The following IGFBP2 variants were observed in gnomAD, a reference collection of about 807,000 sequenced individuals.
The protein encoded by IGFBP2 is insulin-like growth factor-binding protein 2.
Under a neutral mutation model 26.2 loss-of-function variants are expected in IGFBP2, and 12 were observed. The ratio of observed to expected loss-of-function variants is 0.46; its 90% CI spans 0.29 to 0.74. The LOEUF (loss-of-function observed/expected upper bound fraction) is 0.74, where lower values mean the gene tolerates loss of function less well. IGFBP2 is among the 30% of genes least tolerant of loss of function. The pLI, the probability that IGFBP2 is intolerant of heterozygous loss-of-function variation, is 0.09. For missense variants in IGFBP2, 328 were observed against 441.2 expected (o/e 0.74, Z 2.30); for synonymous variants, 189 against 200.6 (o/e 0.94, Z 0.49).
intron 1 of IGFBP2, among the ~76,000 whole-genome samples, chr2:216,636,794 G>A (rs1697504923): frequency 6.6e-6 from 1 of 152,152 alleles, no homozygotes; most frequent in Non-Finnish European, 1.5e-5. Flanking sequence ...CTTCCCTACC[G>A]TGTACAATGC....
At chr2:216,660,055 T>C (rs760465690) in intron 1 of IGFBP2, among the ~76,000 whole-genome samples, 4 of 151,916 alleles carry the variant, frequency 2.6e-5, no homozygotes, top group Non-Finnish European at 4.4e-5. Context: ...ACTCAACTAA[T>C]TGGTGCTCTT....
intron 1 of IGFBP2, among the ~76,000 whole-genome samples, chr2:216,635,405 C>T (rs1697475533): frequency 6.6e-6 from 1 of 152,158 alleles, no homozygotes; most frequent in African/African-American, 2.4e-5. Flanking sequence ...TGCGGGGTGC[C>T]TGTCCCCCAG....
intron 1 of IGFBP2, among the ~76,000 whole-genome samples, chr2:216,655,368 C>T (rs991121716): frequency 8.5e-5 from 13 of 152,128 alleles, no homozygotes; most frequent in African/African-American, 2.9e-4. Context: ...ATGTTGTTCT[C>T]GTGATAGCGA....
chr2:216,637,917 A>G (rs1292516075), intron 1 of IGFBP2, among the ~76,000 whole-genome samples: 21 of 152,220 alleles, frequency 1.4e-4, no homozygotes, highest in Non-Finnish European at 2.9e-5. Context: ...GGCCGGTCGC[A>G]TTGGCTCATG....
At position 216,633,435 on chromosome 2, in the gene IGFBP2, G is replaced by T. The variant is rs1347420808; in HGVS notation, c.-89G>T. 4.8e-6 allele frequency: 1 copy of T among 206,370 alleles called. No homozygotes were observed. Among genetic ancestry groups the T allele is most frequent in the African/African-American group, 2.4e-5 (1 of 42,290 alleles). The allele number at this position is 206,370 out of a possible 1,614,324, so 12.8% of individuals were successfully genotyped here. A position where few individuals can be genotyped will look rare whatever the true frequency, so the allele number is the denominator to read the frequency against. ...GGCGAGGGAGGAGGAAGAAGCGGAG[G>T]AGGCGGCTCCCGCGCTCGCAGGGCC... On this transcript the variant is annotated 5_prime_UTR_variant, in exon 1 of 4. Coordinates refer to ENST00000233809, the MANE Select transcript of IGFBP2 (RefSeq NM_000597.3).
chr2:216,660,290 T>C (rs1218868177), intron 1 of IGFBP2, among the ~76,000 whole-genome samples: 2 of 152,184 alleles, frequency 1.3e-5, no homozygotes, highest in African/African-American at 4.8e-5. Context: ...ATTTGTGATC[T>C]TGGTCAAGTA....
intron 1 of IGFBP2, 71 bp from the exon 2 acceptor site, chr2:216,660,486 G>C (rs527581850): frequency 1.5e-5 from 17 of 1,148,922 alleles, no homozygotes; most frequent in Middle Eastern, 2.1e-4. Flanking sequence ...TTACGGTCCA[G>C]GTGGCTCCCG....
chr2:216,658,992 T>C (rs966476706), intron 1 of IGFBP2, among the ~76,000 whole-genome samples: 2 of 152,194 alleles, frequency 1.3e-5, no homozygotes, highest in Non-Finnish European at 2.9e-5. Flanking sequence ...GCAGCTGATA[T>C]AGAAAATGGC....
intron 1 of IGFBP2, among the ~76,000 whole-genome samples, chr2:216,638,043 C>T (rs1377431360): frequency 1.3e-5 from 2 of 151,906 alleles, no homozygotes; most frequent in Non-Finnish European, 2.9e-5. Context: ...CAAAAATTAG[C>T]TGGGCATGGT....
intron 1 of IGFBP2, among the ~76,000 whole-genome samples, chr2:216,643,218 A>T (rs183652940): frequency 4.6e-5 from 7 of 152,138 alleles, no homozygotes; most frequent in Non-Finnish European, 8.8e-5. Context: ...TTCTTGCTAC[A>T]TTGTCTCCAG....
At chr2:216,634,395 A>C (rs1324730150) in intron 1 of IGFBP2, among the ~76,000 whole-genome samples, 1 of 152,034 alleles carries the variant, frequency 6.6e-6, no homozygotes, top group Non-Finnish European at 1.5e-5. Flanking sequence ...GGTGCCAGTG[A>C]CACCAGGAAC....
intron 3 of IGFBP2, 34 bp downstream of exon 3, chr2:216,662,032 C>A: frequency 6.2e-7 from 1 of 1,609,718 alleles, no homozygotes; most frequent in South Asian, 1.1e-5. Context: ...CAGAGCAGCT[C>A]CTCCTCAGCC....
chr2:216,647,711 G>T lies in IGFBP2; in HGVS notation c.443-12846G>T, dbSNP rs373220396. On this transcript the variant is annotated intron_variant, in intron 1 of 3. Transcript: ENST00000233809. ...ATTTTTTGTATTTTTTAGTAGAGAC[G>T]GGGTTTCACCATGTTAGCCAGGATG... Among the ~76,000 whole-genome samples, 7 of 152,166 alleles carry T rather than the reference G, an allele frequency of 4.6e-5. No individual in the cohort carries two copies. The East Asian group carries it at 5.8e-4, about 13-fold the overall frequency.
chr2:216,635,917 G>A (rs9341102), intron 1 of IGFBP2, among the ~76,000 whole-genome samples: 36,815 of 151,868 alleles, frequency 0.24, 4,736 homozygotes, highest in Middle Eastern at 0.42. Flanking sequence ...TTTGTGCACC[G>A]GCCTGGGAAG....
intron 1 of IGFBP2, among the ~76,000 whole-genome samples, chr2:216,648,848 C>T (rs1697764902): frequency 1.3e-5 from 2 of 152,116 alleles, no homozygotes; most frequent in African/African-American, 4.8e-5. Flanking sequence ...ACCTCGTGAT[C>T]CACCTGTCTT....
intron 1 of IGFBP2, among the ~76,000 whole-genome samples, chr2:216,653,396 CT>C (rs1327502763): frequency 1.3e-5 from 2 of 152,208 alleles, no homozygotes; most frequent in Non-Finnish European, 2.9e-5. Context: ...AAAATTAGGT[CT>C]GAAAACCTGG....
intron 1 of IGFBP2, among the ~76,000 whole-genome samples, chr2:216,655,025 C>G (rs1426413436): frequency 6.6e-6 from 1 of 152,148 alleles, no homozygotes; most frequent in Non-Finnish European, 1.5e-5. Flanking sequence ...TCTATAAAAA[C>G]ATATATTTTT....
chr2:216,643,978 C>T (rs1156662545), intron 1 of IGFBP2, among the ~76,000 whole-genome samples: 1 of 152,034 alleles, frequency 6.6e-6, no homozygotes, highest in African/African-American at 2.4e-5. Flanking sequence ...TATGCCTCTC[C>T]TCCTCCTTGG....
intron 1 of IGFBP2, among the ~76,000 whole-genome samples, chr2:216,648,455 A>G (rs1047054466): frequency 1.3e-5 from 2 of 152,130 alleles, no homozygotes; most frequent in Admixed American, 1.3e-4. Flanking sequence ...CCCTGGTAAC[A>G]TCATTGCCCT....
Sources: gnomAD v4.1 joint callset for allele counts (sites outside exome capture counted in the v4.1 genomes callset) on GRCh38, gnomAD v4.1.1 for gene constraint, MANE v1.5 for transcripts, NCBI Gene and HGNC (gene_info 2026-07-23, HGNC 2026-07-21) for gene names.